Variants in SLC35D4 observed in about 807,000 individuals in gnomAD.
SLC35D4 encodes the protein UDP-N-acetylglucosamine transporter SLC35D4.
At chr18:23,367,185 T>C in the SLC35D4 span, among the ~76,000 whole-genome samples, 1 of 152,092 alleles carries the variant, frequency 6.6e-6, no homozygotes. Context: ...AATAAAATAT[T>C]AGGGGATGAA....
chr18:23,276,695 A>G, the SLC35D4 span, among the ~76,000 whole-genome samples: 2 of 152,024 alleles, frequency 1.3e-5, no homozygotes, highest in Admixed American at 1.3e-4. Context: ...CGCCAAGTCA[A>G]CCCCGGCGCT....
chr18:23,278,262 A>C, the SLC35D4 span, among the ~76,000 whole-genome samples: 2 of 152,172 alleles, frequency 1.3e-5, no homozygotes, highest in South Asian at 2.1e-4. Context: ...CCCTCCCAGA[A>C]GGCGCCTGGA....
chr18:23,334,103 T>TGAAGGGGA, the SLC35D4 span, among the ~76,000 whole-genome samples: 2 of 152,166 alleles, frequency 1.3e-5, no homozygotes, highest in Non-Finnish European at 2.9e-5. Context: ...TTTCTTCTCC[T>TGAAGGGGA]GAAGGGGAGA....
At chr18:23,283,619 G>A in the SLC35D4 span, among the ~76,000 whole-genome samples, 1 of 151,898 alleles carries the variant, frequency 6.6e-6, no homozygotes, top group Admixed American at 6.6e-5. Flanking sequence ...AGTCCAGTCC[G>A]ACCAACCTGG....
the SLC35D4 span, among the ~76,000 whole-genome samples, chr18:23,351,078 T>G: frequency 1.3e-5 from 2 of 152,262 alleles, no homozygotes; most frequent in African/African-American, 4.8e-5. Flanking sequence ...CTTTTTACAT[T>G]CTGCTAGAAT....
At chr18:23,367,558 T>TCC in the SLC35D4 span, among the ~76,000 whole-genome samples, 19 of 152,100 alleles carry the variant, frequency 1.2e-4, no homozygotes, top group Non-Finnish European at 2.5e-4. Flanking sequence ...CTTCATTCTC[T>TCC]TTTCACCTTT....
the SLC35D4 span, among the ~76,000 whole-genome samples, chr18:23,240,157 G>C: frequency 1.3e-5 from 2 of 152,080 alleles, no homozygotes; most frequent in Non-Finnish European, 2.9e-5. Flanking sequence ...AATGATGGAA[G>C]GGTTGGACGT....
chr18:23,305,072 C>A, the SLC35D4 span, among the ~76,000 whole-genome samples: 2 of 152,276 alleles, frequency 1.3e-5, no homozygotes, highest in Admixed American at 1.3e-4. Flanking sequence ...AGCAGTCACT[C>A]AATAAAGATG....
At chr18:23,361,301 C>T in the SLC35D4 span, among the ~76,000 whole-genome samples, 1 of 152,084 alleles carries the variant, frequency 6.6e-6, no homozygotes, top group Non-Finnish European at 1.5e-5. Flanking sequence ...ATCCAACACA[C>T]ACTCAGGCCC....
At chr18:23,308,229 A>C in the SLC35D4 span, among the ~76,000 whole-genome samples, 1 of 152,262 alleles carries the variant, frequency 6.6e-6, no homozygotes, top group East Asian at 1.9e-4. Context: ...ATCCGGGCCG[A>C]AGTGACAGGC....
At chr18:23,309,877 T>A in the SLC35D4 span, 1 of 845,470 alleles carries the variant, frequency 1.2e-6, no homozygotes. Context: ...ACTTCCCGTG[T>A]CCTTTTCCCC....
the SLC35D4 span, among the ~76,000 whole-genome samples, chr18:23,393,205 G>A: frequency 1.1e-4 from 16 of 152,056 alleles, no homozygotes; most frequent in Admixed American, 8.5e-4. Flanking sequence ...GTGAGCCACC[G>A]AGCCTGGCCT....
At chr18:23,426,413 C>T in the SLC35D4 span, among the ~76,000 whole-genome samples, 3,101 of 152,182 alleles carry the variant, frequency 0.02, 95 homozygotes, top group African/African-American at 0.07. Flanking sequence ...AATTCCCATT[C>T]ACAATTGCTT....
the SLC35D4 span, among the ~76,000 whole-genome samples, chr18:23,388,997 T>C: frequency 1.3e-5 from 2 of 149,806 alleles, no homozygotes; most frequent in African/African-American, 2.5e-5. Flanking sequence ...CTTTTTTTTT[T>C]TTTTTTTTTT....
At chr18:23,291,396 C>T in the SLC35D4 span, among the ~76,000 whole-genome samples, 1,710 of 152,340 alleles carry the variant, frequency 0.011, 38 homozygotes, top group African/African-American at 0.039. Flanking sequence ...TGTCCCAAAA[C>T]TTAGTGGCTT....
the SLC35D4 span, among the ~76,000 whole-genome samples, chr18:23,321,787 T>G: frequency 2.0e-5 from 3 of 152,144 alleles, no homozygotes; most frequent in African/African-American, 7.2e-5. Flanking sequence ...AACTTCCCAT[T>G]CAGCAACAAT....
the SLC35D4 span, among the ~76,000 whole-genome samples, chr18:23,267,026 G>C: frequency 6.6e-6 from 1 of 152,192 alleles, no homozygotes; most frequent in Non-Finnish European, 1.5e-5. Flanking sequence ...CACAGAGGTA[G>C]AGCTGTGCCC....
chr18:23,349,223 A>G, the SLC35D4 span, among the ~76,000 whole-genome samples: 2 of 152,200 alleles, frequency 1.3e-5, no homozygotes, highest in African/African-American at 4.8e-5. Flanking sequence ...GATTTCTTCA[A>G]ATATTGTTCT....
chr18:23,275,011 G>GTTTGTGCT, the SLC35D4 span, among the ~76,000 whole-genome samples: 2 of 122,418 alleles, frequency 1.6e-5, no homozygotes, highest in East Asian at 5.7e-4. Flanking sequence ...GCTTGTGTAT[G>GTTTGTGCT]TGTGTGCTTG....
Sources: gnomAD v4.1 joint callset for allele counts (sites outside exome capture counted in the v4.1 genomes callset) on GRCh38, gnomAD v4.1.1 for gene constraint, MANE v1.5 for transcripts, NCBI Gene and HGNC (gene_info 2026-07-23, HGNC 2026-07-21) for gene names.